The following PRAG1 variants were observed in gnomAD, a reference collection of about 807,000 sequenced individuals.
The protein encoded by PRAG1 is PEAK1 related, kinase-activating pseudokinase 1.
In PRAG1, 110 loss-of-function variants were observed where a neutral mutation model predicts 95.6. That is an observed-to-expected ratio of 1.15 (90% CI 0.99 to 1.35). The LOEUF is 1.35. Among genes scored for constraint, PRAG1 ranks in the 40% most tolerant of loss-of-function variants. PRAG1 has a pLI of 0.00. For missense variants in PRAG1, 2,554 were observed against 1,864.7 expected, an observed-to-expected ratio of 1.37 and a Z score of -6.81; for synonymous variants, 1,052 against 819.4, an observed-to-expected ratio of 1.28 and a Z score of -4.85.
At chr8:8,348,202 C>G (rs1424103357) in intron 3 of PRAG1, among the ~76,000 whole-genome samples, 2 of 152,198 alleles carry the variant, frequency 1.3e-5, no homozygotes, top group Non-Finnish European at 2.9e-5. Context: ...TAGGCATGAG[C>G]CACCACACCC....
chr8:8,345,091 G>T (rs908485050), intron 3 of PRAG1, among the ~76,000 whole-genome samples: 14 of 139,682 alleles, frequency 1.0e-4, no homozygotes, highest in Non-Finnish European at 2.0e-4. Flanking sequence ...GTGTGTGTGT[G>T]TTAGGGAGGA....
At chr8:8,365,002 A>G (rs918092661) in intron 3 of PRAG1, among the ~76,000 whole-genome samples, 7 of 152,182 alleles carry the variant, frequency 4.6e-5, no homozygotes, top group East Asian at 1.9e-4. Context: ...TATAGAGAAG[A>G]TATTTTGAAA....
At chr8:8,339,999 C>T (rs939935860) in intron 3 of PRAG1, among the ~76,000 whole-genome samples, 5 of 152,208 alleles carry the variant, frequency 3.3e-5, no homozygotes, top group Admixed American at 6.5e-5. Context: ...TTATCATACA[C>T]ACCAATGTAT....
chr8:8,376,581 A>C lies in PRAG1; in HGVS notation c.1828T>G (p.Ser610Ala). 1 of 1,606,788 alleles carries C rather than the reference A, an allele frequency of 6.2e-7. No homozygotes were observed. Reference sequence around the variant, plus strand: ...GAGGCGGCAGGCTGGGGACACCTGGATGGGTCACTGATAGCGACACCGTTG... The same window carrying C: ...GAGGCGGCAGGCTGGGGACACCTGGCTGGGTCACTGATAGCGACACCGTTG... ...RTNGVAISDP[S>A]RCPQPAASSA... Residue 610 changes from serine to alanine, a missense_variant, in exon 3 of 6, where the codon TCC becomes GCC. Transcript: ENST00000615670.
intron 3 of PRAG1, among the ~76,000 whole-genome samples, chr8:8,349,483 T>C (rs1464531760): frequency 3.9e-5 from 6 of 151,910 alleles, no homozygotes; most frequent in South Asian, 4.2e-4. Context: ...GGGGTTTCAC[T>C]GTGTTAGCCA....
In PRAG1 at chr8:8,377,707, C is replaced by T. The variant is rs780133254; in HGVS notation, c.702G>A (p.Ser234=). Residue 234 remains serine, a synonymous_variant, in exon 3 of 6, where the codon TCG becomes TCA. Transcript: ENST00000615670. ...AGCACCTTTGATCACTGTCATCCTC[C>T]GAGGGCAGGGATTCCCGCAGGGGCC... ...GPGPLRESLP[S]EDDSDQRCSP... 6.8e-6 allele frequency: 11 copies of T among 1,613,748 alleles called. No homozygotes were observed. The highest frequency in any genetic ancestry group is 6.7e-5 in the East Asian group (3 of 44,868).
At chr8:8,320,931 G>A (rs1798453226) in intron 5 of PRAG1, among the ~76,000 whole-genome samples, 1 of 152,202 alleles carries the variant, frequency 6.6e-6, no homozygotes, top group African/African-American at 2.4e-5. Context: ...GGAATGGTGG[G>A]TAACACATTA....
At chr8:8,324,704 T>G (rs1295668810) in intron 5 of PRAG1, among the ~76,000 whole-genome samples, 1 of 152,188 alleles carries the variant, frequency 6.6e-6, no homozygotes, top group Non-Finnish European at 1.5e-5. Context: ...CATTTAAACT[T>G]TGGAGTCAGG....
chr8:8,374,511 C>T (rs1800315065), intron 3 of PRAG1: 1 of 334,834 alleles, frequency 3.0e-6, no homozygotes, highest in South Asian at 1.2e-4. Flanking sequence ...AGCTTTCTAT[C>T]TCTGCTTTGT....
chr8:8,332,335 G>C (rs1306532716), intron 4 of PRAG1, among the ~76,000 whole-genome samples: 1 of 151,914 alleles, frequency 6.6e-6, no homozygotes, highest in East Asian at 1.9e-4. Flanking sequence ...CTAATTTTTT[G>C]TATTTTTAGT....
intron 3 of PRAG1, among the ~76,000 whole-genome samples, chr8:8,339,905 C>T (rs1799112153): frequency 6.6e-6 from 1 of 152,136 alleles, no homozygotes; most frequent in African/African-American, 2.4e-5. Flanking sequence ...AAGGAATTGC[C>T]TTCATATTCT....
chr8:8,341,038 T>A (rs994845555), intron 3 of PRAG1, among the ~76,000 whole-genome samples: 1 of 152,216 alleles, frequency 6.6e-6, no homozygotes, highest in Non-Finnish European at 1.5e-5. Context: ...CTATCACTAA[T>A]AGTTTTCTCC....
intron 3 of PRAG1, among the ~76,000 whole-genome samples, chr8:8,340,211 C>G (rs1446052186): frequency 6.6e-6 from 1 of 152,226 alleles, no homozygotes; most frequent in Admixed American, 6.5e-5. Flanking sequence ...AACAAATTGA[C>G]ATAACCCTTA....
At chr8:8,378,165 G>A (rs781748413) in intron 2 of PRAG1, 87 bp from the exon 3 acceptor site, 23 of 1,438,348 alleles carry the variant, frequency 1.6e-5, no homozygotes, top group African/African-American at 2.8e-5. Context: ...GAAGGGCAAC[G>A]ATACTGTAGA....
intron 4 of PRAG1, among the ~76,000 whole-genome samples, chr8:8,329,929 C>T (rs539950498): frequency 2.0e-5 from 3 of 152,176 alleles, no homozygotes; most frequent in South Asian, 2.1e-4. Context: ...GCAACGCTGA[C>T]GGGAGGACAA....
intron 3 of PRAG1, among the ~76,000 whole-genome samples, chr8:8,344,678 T>C (rs1217581662): frequency 6.6e-6 from 1 of 152,218 alleles, no homozygotes; most frequent in Non-Finnish European, 1.5e-5. Context: ...TTGGAATATT[T>C]GATACACTAA....
chr8:8,324,022 G>A (rs1798551652), intron 5 of PRAG1, among the ~76,000 whole-genome samples: 1 of 152,188 alleles, frequency 6.6e-6, no homozygotes, highest in Non-Finnish European at 1.5e-5. Flanking sequence ...GTCCTTCCTC[G>A]TAGGGCCATT....
chr8:8,370,605 G>C (rs1800158966), intron 3 of PRAG1, among the ~76,000 whole-genome samples: 1 of 152,162 alleles, frequency 6.6e-6, no homozygotes, highest in Non-Finnish European at 1.5e-5. Flanking sequence ...AGCAGAAAGG[G>C]CCTCTAGAAG....
At chr8:8,329,162 G>A (rs894972191) in intron 4 of PRAG1, among the ~76,000 whole-genome samples, 1 of 152,124 alleles carries the variant, frequency 6.6e-6, no homozygotes, top group African/African-American at 2.4e-5. Flanking sequence ...GGAGGCTGAG[G>A]TGGACGGATC....
Sources: allele counts gnomAD v4.1 joint callset (sites outside exome capture counted in the v4.1 genomes callset), GRCh38; gene constraint gnomAD v4.1.1; transcripts MANE v1.5; gene names NCBI Gene and HGNC (gene_info 2026-07-23, HGNC 2026-07-21).